The following ATP2B2 variants were observed in gnomAD, a reference collection of about 807,000 sequenced individuals.
ATP2B2 encodes the protein plasma membrane calcium-transporting ATPase 2.
Under a neutral mutation model 120.0 loss-of-function variants are expected in ATP2B2, and 15 were observed. The observed-to-expected ratio is 0.12, with a 90% CI of 0.08 to 0.19. The LOEUF is 0.19. Ranked by LOEUF, ATP2B2 falls within the 10% of genes least tolerant of loss-of-function variation. ATP2B2 has a pLI of 1.00. For synonymous variants in ATP2B2, 694 were observed against 700.3 expected, an observed-to-expected ratio of 0.99 and a Z score of 0.14; for missense variants, 1,045 against 1,719.8, an observed-to-expected ratio of 0.61 and a Z score of 6.94.
chr3:10,679,241 T>A (rs1397262019), intron 1 of ATP2B2, among the ~76,000 whole-genome samples: 1 of 152,160 alleles, frequency 6.6e-6, no homozygotes, highest in African/African-American at 2.4e-5. Flanking sequence ...AGATAATGCA[T>A]GTATGTTGTT....
chr3:10,632,994 C>G (rs963872635), intron 1 of ATP2B2, among the ~76,000 whole-genome samples: 3 of 152,244 alleles, frequency 2.0e-5, no homozygotes, highest in Admixed American at 2.0e-4. Flanking sequence ...TGACTTCTGA[C>G]CAGGCCCTCA....
intron 1 of ATP2B2, among the ~76,000 whole-genome samples, chr3:10,488,507 GTTCCTTCC>G (rs142106223): frequency 3.2e-5 from 3 of 95,228 alleles, no homozygotes; most frequent in African/African-American, 8.1e-5. Context: ...TCCTTCCTTC[GTTCCTTCC>G]TTCCTTCCTT....
intron 1 of ATP2B2, among the ~76,000 whole-genome samples, chr3:10,471,205 C>T (rs567789204): frequency 2.0e-4 from 30 of 152,294 alleles, no homozygotes; most frequent in African/African-American, 6.0e-4. Context: ...CTCCAGCGCG[C>T]GGCTGTGAGG....
At chr3:10,450,554 T>C (rs889127794) in intron 1 of ATP2B2, among the ~76,000 whole-genome samples, 3 of 152,048 alleles carry the variant, frequency 2.0e-5, no homozygotes, top group Non-Finnish European at 2.9e-5. Flanking sequence ...GCCCCCACCA[T>C]ATTAATCGAG....
At chr3:10,456,102 T>G (rs1305884009) in intron 1 of ATP2B2, among the ~76,000 whole-genome samples, 2 of 152,208 alleles carry the variant, frequency 1.3e-5, no homozygotes, top group Non-Finnish European at 2.9e-5. Flanking sequence ...GCAATATTTT[T>G]TTGTTTGTGG....
At chr3:10,647,179 G>A (rs1384128610) in intron 1 of ATP2B2, among the ~76,000 whole-genome samples, 1 of 152,156 alleles carries the variant, frequency 6.6e-6, no homozygotes, top group Non-Finnish European at 1.5e-5. Context: ...CAGCCCATGG[G>A]GAGGGTTTCC....
chr3:10,370,028 C>A (rs1394819323), intron 12 of ATP2B2, among the ~76,000 whole-genome samples: 1 of 152,152 alleles, frequency 6.6e-6, no homozygotes, highest in Admixed American at 6.5e-5. Flanking sequence ...AAACCAAGGA[C>A]CCCAGTTCCC....
At chr3:10,384,936 T>G (rs915481917) in intron 8 of ATP2B2, among the ~76,000 whole-genome samples, 1 of 152,098 alleles carries the variant, frequency 6.6e-6, no homozygotes, top group African/African-American at 2.4e-5. Flanking sequence ...AGGAATACAC[T>G]TAGGAGAGGG....
chr3:10,693,426 A>T (rs2071699170), intron 1 of ATP2B2, among the ~76,000 whole-genome samples: 1 of 152,222 alleles, frequency 6.6e-6, no homozygotes, highest in East Asian at 1.9e-4. Context: ...CACTGCAAGG[A>T]ACAAAAAAGA....
At chr3:10,513,315 G>T (rs1453923828) in intron 3 of ATP2B2, among the ~76,000 whole-genome samples, 1 of 152,132 alleles carries the variant, frequency 6.6e-6, no homozygotes, top group African/African-American at 2.4e-5. Flanking sequence ...TTGTGCAAAG[G>T]CCCTGAGACT....
intron 2 of ATP2B2, among the ~76,000 whole-genome samples, chr3:10,422,371 T>C (rs1156638671): frequency 6.6e-6 from 1 of 152,200 alleles, no homozygotes; most frequent in Non-Finnish European, 1.5e-5. Flanking sequence ...ACCAGTCTGA[T>C]GGTCTGCTAT....
At position 10,552,022 on chromosome 3, in the gene ATP2B2, C is replaced by T. The variant is rs2067680689; in HGVS notation, c.-414-17889G>A. On this transcript the variant is annotated intron_variant, in intron 2 of 21. Transcript: ENST00000646379. Reference sequence around the variant, plus strand: ...GGCTGGGTTTGGGCTTTCTGTAACACTGATTCCGAACAATGTCAAAAGTTG... The same window carrying T: ...GGCTGGGTTTGGGCTTTCTGTAACATTGATTCCGAACAATGTCAAAAGTTG... 2.0e-5 allele frequency among the ~76,000 whole-genome samples: 3 copies of T among 152,368 alleles called. No homozygotes were observed. In the South Asian group the frequency reaches 6.2e-4, roughly 32 times the overall value.
rs1235526017 is a variant in ATP2B2 at position 10,342,786 on chromosome 3, G to A, written c.2883C>T (p.Tyr961=). ...MMKNILGHAV[Y]QLALIFTLLF... ...GCAGGGTGAAGATGAGGGCAAGCTG[G>A]TAGACAGCATGGCCCAGGATGTTCT... The change falls in exon 19 of 23, where the codon TAC becomes TAT. Residue 961 remains tyrosine (Y), a synonymous_variant. Transcript: ENST00000360273. This position sits in a 1 kb window ranked among gnomAD's most constrained non-coding sequence, Gnocchi z 4.4. 6.2e-7 allele frequency: 1 copy of A among 1,614,178 alleles called. No individual in the cohort carries two copies. The highest frequency in any genetic ancestry group is 1.1e-5 in the South Asian group (1 of 91,084).
intron 3 of ATP2B2, among the ~76,000 whole-genome samples, chr3:10,515,297 G>T (rs1559433333): frequency 6.6e-6 from 1 of 152,228 alleles, no homozygotes; most frequent in East Asian, 1.9e-4. Context: ...CACATAGTGG[G>T]TGTTCAGGGA....
Position 10,614,247 on chromosome 3 carries a change from G to A in ATP2B2, c.-415+5670C>T, listed in dbSNP as rs142024143. Among the ~76,000 whole-genome samples, 130 of 152,184 alleles carry A rather than the reference G, an allele frequency of 8.5e-4. 1 individual carries two copies. The highest frequency in any genetic ancestry group is 2.8e-3 in the African/African-American group (117 of 41,518). ...TGCCGTATTCCTAGTGTTTGGCTCC[G>A]TATGTATTTGCTGAATGAATGAATA... On this transcript the variant is annotated intron_variant, in intron 2 of 21. Coordinates refer to the ATP2B2 transcript ENST00000646379.
chr3:10,522,700 G>A (rs2067009099), intron 3 of ATP2B2, among the ~76,000 whole-genome samples: 1 of 152,324 alleles, frequency 6.6e-6, no homozygotes, highest in Admixed American at 6.5e-5. Context: ...ACAGCTGATG[G>A]TGCACTTTTG....
At chr3:10,448,128 C>T (rs1042405307) in intron 2 of ATP2B2, among the ~76,000 whole-genome samples, 1 of 152,198 alleles carries the variant, frequency 6.6e-6, no homozygotes, top group African/African-American at 2.4e-5. Context: ...GAGGACTGGA[C>T]AGAGGAGACA....
At chr3:10,463,827 C>G (rs922420538) in intron 1 of ATP2B2, among the ~76,000 whole-genome samples, 3 of 152,242 alleles carry the variant, frequency 2.0e-5, no homozygotes, top group African/African-American at 7.2e-5. Flanking sequence ...GCCTATTCTC[C>G]ATTCGTCCCT....
At chr3:10,655,048 G>A (rs1365167999) in intron 1 of ATP2B2, among the ~76,000 whole-genome samples, 3 of 152,174 alleles carry the variant, frequency 2.0e-5, no homozygotes, top group South Asian at 2.1e-4. Context: ...ATGCTTCCAC[G>A]TGAGCTTTCC....
Sources: allele counts gnomAD v4.1 joint callset (sites outside exome capture counted in the v4.1 genomes callset), GRCh38; gene constraint gnomAD v4.1.1; non-coding constraint Gnocchi (gnomAD v3.1); transcripts MANE v1.5; gene names NCBI Gene and HGNC (gene_info 2026-07-23, HGNC 2026-07-21).